Variants in ADAM22 observed in about 807,000 individuals in gnomAD.
ADAM22 encodes ADAM metallopeptidase domain 22.
A neutral mutation model predicts 144.6 loss-of-function variants in ADAM22; 65 were observed. The ratio of observed to expected loss-of-function variants is 0.45; its 90% CI spans 0.37 to 0.55. ADAM22 has a LOEUF of 0.55. Among genes scored for constraint, ADAM22 ranks in the 20% least tolerant of loss-of-function variants. The pLI is 0.00. For missense variants in ADAM22, 974 were observed against 1,184.9 expected (o/e 0.82, Z 2.61); for synonymous variants, 391 against 412.6 (o/e 0.95, Z 0.63).
intron 11 of ADAM22, chr7:88,132,049 C>T (rs1831937520): frequency 6.6e-6 from 1 of 151,938 alleles, no homozygotes; most frequent in Non-Finnish European, 1.5e-5. Context: ...GCCCTCTATT[C>T]AGATTCATCA....
intron 28 of ADAM22, 39 bp downstream of exon 28, chr7:88,181,644 C>A: frequency 6.5e-7 from 1 of 1,540,460 alleles, no homozygotes; most frequent in South Asian, 1.1e-5. Context: ...TCCACATAAT[C>A]AAGTTCTATA....
chr7:88,039,610 CAT>C (rs1491377800), intron 3 of ADAM22, among the ~76,000 whole-genome samples: 11 of 114,868 alleles, frequency 9.6e-5, no homozygotes, highest in Admixed American at 4.9e-4. Flanking sequence ...TTCATGTTTG[CAT>C]GTGTGTGTGT....
intron 3 of ADAM22, among the ~76,000 whole-genome samples, chr7:88,060,444 C>T (rs1199600968): frequency 1.3e-5 from 2 of 152,132 alleles, no homozygotes; most frequent in Admixed American, 1.3e-4. Context: ...GTGTTCACAA[C>T]ATTTTCACCA....
chr7:88,000,775 A>G (rs1181328234), intron 3 of ADAM22, among the ~76,000 whole-genome samples: 1 of 152,192 alleles, frequency 6.6e-6, no homozygotes, highest in Non-Finnish European at 1.5e-5. Flanking sequence ...ATATTTTTCC[A>G]TTTAGACTGA....
intron 3 of ADAM22, among the ~76,000 whole-genome samples, chr7:88,041,185 A>G (rs1803037309): frequency 6.6e-6 from 1 of 152,058 alleles, no homozygotes; most frequent in African/African-American, 2.4e-5. Flanking sequence ...ATGGTAACCC[A>G]TCGTATTTAC....
intron 3 of ADAM22, among the ~76,000 whole-genome samples, chr7:88,052,770 C>G (rs1337947145): frequency 6.6e-6 from 1 of 152,240 alleles, no homozygotes; most frequent in Non-Finnish European, 1.5e-5. Context: ...TGTCCTTCCC[C>G]GGTCAGCTAT....
At chr7:87,971,104 G>C (rs1366790235) in intron 2 of ADAM22, among the ~76,000 whole-genome samples, 2 of 152,066 alleles carry the variant, frequency 1.3e-5, no homozygotes, top group Non-Finnish European at 2.9e-5. Flanking sequence ...GAGTTTGTAA[G>C]GTTGTTATCA....
chr7:87,979,077 G>T (rs1422802636), intron 3 of ADAM22, among the ~76,000 whole-genome samples: 1 of 152,116 alleles, frequency 6.6e-6, no homozygotes, highest in Non-Finnish European at 1.5e-5. Context: ...CTGATCATGG[G>T]CAAGTGGGCA....
intron 3 of ADAM22, among the ~76,000 whole-genome samples, chr7:88,032,965 A>G (rs896972253): frequency 6.6e-6 from 1 of 152,192 alleles, no homozygotes; most frequent in African/African-American, 2.4e-5. Context: ...ACCCTGCAGA[A>G]CTGTGAGCCG....
intron 22 of ADAM22, 76 bp from the exon 23 acceptor site, chr7:88,162,936 C>A (rs1842082967): frequency 6.5e-7 from 1 of 1,535,708 alleles, no homozygotes; most frequent in Non-Finnish European, 8.9e-7. Flanking sequence ...ATATTGCCTG[C>A]TTTTAAGTTT....
In ADAM22 at chr7:88,151,291, A is replaced by C. The variant is rs761823588; in HGVS notation, c.1652A>C (p.Asp551Ala). Reference protein sequence around the residue: ...ICFGGRCKTRDRQCKYIWGQK... With the variant: ...ICFGGRCKTRARQCKYIWGQK... Reference sequence around the variant, plus strand: ...TTTGGAGGAAGATGCAAAACCAGAGATAGACAATGCAAATACATTTGGGGG... The same window carrying C: ...TTTGGAGGAAGATGCAAAACCAGAGCTAGACAATGCAAATACATTTGGGGG... The change falls in exon 20 of 32, where the codon GAT (aspartate) becomes GCT (alanine). Residue 551 changes from aspartate to alanine, a missense_variant. By Grantham distance (126) the Asp-to-Ala change is moderately radical. Transcript: ENST00000413139. 1 of 1,614,044 alleles carries C rather than the reference A, an allele frequency of 6.2e-7. No homozygotes were observed.
intron 4 of ADAM22, among the ~76,000 whole-genome samples, chr7:88,103,708 T>C (rs1823574165): frequency 6.6e-6 from 1 of 152,142 alleles, no homozygotes; most frequent in Non-Finnish European, 1.5e-5. Flanking sequence ...CCAAAAGGCT[T>C]TTCTCTTTTC....
chr7:88,113,703 A>AATAAAT (rs1554478726), intron 5 of ADAM22, among the ~76,000 whole-genome samples: 486 of 48,050 alleles, frequency 0.01, 2 homozygotes, highest in East Asian at 0.035. Context: ...TAAATAAATA[A>AATAAAT]ATATATATAT....
At chr7:88,073,591 C>G (rs116022092) in intron 3 of ADAM22, among the ~76,000 whole-genome samples, 1 of 152,166 alleles carries the variant, frequency 6.6e-6, no homozygotes, top group Admixed American at 6.6e-5. Context: ...CCTCAAATCA[C>G]GTAATTCACT....
chr7:87,991,335 C>T (rs1789779019), intron 3 of ADAM22, among the ~76,000 whole-genome samples: 1 of 148,306 alleles, frequency 6.7e-6, no homozygotes, highest in African/African-American at 2.5e-5. Flanking sequence ...CAAAGACTGA[C>T]AGCTATCACT....
At chr7:88,068,186 GAAAAT>G (rs1322007699) in intron 3 of ADAM22, among the ~76,000 whole-genome samples, 1 of 152,084 alleles carries the variant, frequency 6.6e-6, no homozygotes, top group Non-Finnish European at 1.5e-5. Context: ...GAGAAACTAA[GAAAAT>G]AAAGATGATG....
chr7:87,987,138 G>A (rs566817257), intron 3 of ADAM22, among the ~76,000 whole-genome samples: 3 of 152,236 alleles, frequency 2.0e-5, no homozygotes, highest in South Asian at 4.2e-4. Context: ...TAAATCATCA[G>A]AGCTCACTGC....
intron 3 of ADAM22, among the ~76,000 whole-genome samples, chr7:88,027,806 C>CTT (rs757645135): frequency 4.2e-5 from 6 of 143,536 alleles, no homozygotes; most frequent in African/African-American, 1.0e-4. Flanking sequence ...GCTTTTCTAC[C>CTT]TTTTTTTTTT....
chr7:88,172,603 A>C (rs1344902871), intron 26 of ADAM22, among the ~76,000 whole-genome samples: 3 of 151,986 alleles, frequency 2.0e-5, no homozygotes, highest in South Asian at 4.1e-4. Flanking sequence ...ATAAATTAAA[A>C]TTCCCATAAG....
Sources: gnomAD v4.1 joint callset for allele counts (sites outside exome capture counted in the v4.1 genomes callset) on GRCh38, gnomAD v4.1.1 for gene constraint, MANE v1.5 for transcripts, NCBI Gene and HGNC (gene_info 2026-07-23, HGNC 2026-07-21) for gene names.